TMIGD3: variants seen among roughly 807,000 people sequenced by gnomAD.
TMIGD3 encodes transmembrane and immunoglobulin domain containing 3.
In TMIGD3, 21 loss-of-function variants were observed where a neutral mutation model predicts 28.1. The observed-to-expected ratio is 0.75, with a 90% CI of 0.53 to 1.08. The LOEUF (loss-of-function observed/expected upper bound fraction) is 1.08, where lower values mean the gene tolerates loss of function less well. TMIGD3 is among the 50% of genes least tolerant of loss of function. The pLI, the probability that TMIGD3 is intolerant of heterozygous loss-of-function variation, is 0.00. For missense variants in TMIGD3, 416 were observed against 435.6 expected (o/e 0.96, Z 0.40); for synonymous variants, 151 against 162.1 (o/e 0.93, Z 0.52).
intron 1 of TMIGD3, among the ~76,000 whole-genome samples, chr1:111,549,403 C>G (rs1657168288): frequency 6.6e-6 from 1 of 150,434 alleles, no homozygotes; most frequent in African/African-American, 2.5e-5. Context: ...AATCCCAGCA[C>G]TTCGGGAGGC....
intron 1 of TMIGD3, among the ~76,000 whole-genome samples, chr1:111,536,185 A>G (rs1656633973): frequency 6.6e-6 from 1 of 151,984 alleles, no homozygotes. Flanking sequence ...CTCTGCTCAC[A>G]TCGGAGGGAA....
chr1:111,499,715 T>C, intron 1 of TMIGD3: 1 of 1,348,878 alleles, frequency 7.4e-7, no homozygotes, highest in Non-Finnish European at 9.6e-7. Context: ...TAATACGTTG[T>C]CCCCAAGTCA....
At chr1:111,521,244 T>A (rs1345062438) in intron 1 of TMIGD3, among the ~76,000 whole-genome samples, 1 of 152,178 alleles carries the variant, frequency 6.6e-6, no homozygotes, top group East Asian at 1.9e-4. Context: ...AAAGTTGTCA[T>A]AAATATTTGT....
rs960097878 is a variant in TMIGD3, at chr1:111,488,849, C to T, written c.633G>A (p.Leu211=). 86 of 1,614,082 alleles carry T rather than the reference C, an allele frequency of 5.3e-5. No homozygotes were observed. The highest frequency in any genetic ancestry group is 7.1e-5 in the Non-Finnish European group (84 of 1,180,046). ...CAATGAGCTGGTTCCCTGTGTCCCT[C>T]AGGGCCACATGATTGGTGCTGTTAG... ...FSPNSTNHVA[L]RDTGNQLIVT... Residue 211 remains leucine, a synonymous_variant, in exon 3 of 6, where the codon CTG becomes CTA. Transcript: ENST00000369716.
chr1:111,488,185 A>C (rs976037083), intron 3 of TMIGD3, among the ~76,000 whole-genome samples: 1 of 151,876 alleles, frequency 6.6e-6, no homozygotes, highest in Non-Finnish European at 1.5e-5. Context: ...ACACCTCTCA[A>C]GAATCTAATC....
At chr1:111,495,758 T>C (rs762546507) in intron 1 of TMIGD3, among the ~76,000 whole-genome samples, 3 of 152,220 alleles carry the variant, frequency 2.0e-5, no homozygotes, top group African/African-American at 7.2e-5. Flanking sequence ...TCAACCTAAA[T>C]GCCCATCAAT....
intron 1 of TMIGD3, among the ~76,000 whole-genome samples, chr1:111,542,053 T>C (rs978880706): frequency 1.3e-5 from 2 of 151,648 alleles, no homozygotes; most frequent in African/African-American, 4.8e-5. Flanking sequence ...AATACCTCTC[T>C]TAACAGCTTA....
chr1:111,510,669 G>A (rs1321166236), intron 1 of TMIGD3, among the ~76,000 whole-genome samples: 1 of 152,106 alleles, frequency 6.6e-6, no homozygotes, highest in Non-Finnish European at 1.5e-5. Flanking sequence ...GTCAGGCCCT[G>A]TTTTTCATGA....
intron 4 of TMIGD3, among the ~76,000 whole-genome samples, 159 bp from the exon 5 acceptor site, chr1:111,485,999 T>G (rs1654349633): frequency 6.6e-6 from 1 of 152,166 alleles, no homozygotes; most frequent in African/African-American, 2.4e-5. Flanking sequence ...CCCTGTCCTT[T>G]GGACCACCCT....
At chr1:111,503,656 T>G, upstream of TMIGD3, 1 of 1,135,774 alleles carries the variant, frequency 8.8e-7, no homozygotes, top group East Asian at 5.1e-5. Flanking sequence ...GCTGCTGCTC[T>G]TAGTTCCCCA....
upstream of TMIGD3, chr1:111,504,048 C>G (rs994314007): frequency 1.4e-5 from 14 of 985,344 alleles, no homozygotes; most frequent in Middle Eastern, 5.2e-4. Flanking sequence ...TTAGCCAGAA[C>G]TATTCCTGCT....
chr1:111,520,585 G>A (rs1279013595), intron 1 of TMIGD3, among the ~76,000 whole-genome samples: 1 of 152,210 alleles, frequency 6.6e-6, no homozygotes, highest in African/African-American at 2.4e-5. Context: ...ATGTAACTAA[G>A]AGACTGTTTT....
intron 1 of TMIGD3, chr1:111,500,391 C>T (rs757958111): frequency 1.9e-6 from 3 of 1,614,074 alleles, no homozygotes; most frequent in East Asian, 4.5e-5. Flanking sequence ...AGTCCATTCT[C>T]ATGACGGAAA....
At chr1:111,518,489 G>T (rs1182531352) in intron 1 of TMIGD3, among the ~76,000 whole-genome samples, 1 of 152,192 alleles carries the variant, frequency 6.6e-6, no homozygotes, top group African/African-American at 2.4e-5. Flanking sequence ...ACAATCAAAA[G>T]CGTCTCCAGA....
chr1:111,508,403 C>T (rs1211953261), upstream of TMIGD3, among the ~76,000 whole-genome samples: 1 of 152,220 alleles, frequency 6.6e-6, no homozygotes, highest in Non-Finnish European at 1.5e-5. Context: ...GAGGGAAGCA[C>T]GTTTCTGTTG....
At chr1:111,516,017 G>A (rs1655852834) in intron 1 of TMIGD3, among the ~76,000 whole-genome samples, 1 of 152,352 alleles carries the variant, frequency 6.6e-6, no homozygotes, top group African/African-American at 2.4e-5. Flanking sequence ...ACTCATCTGA[G>A]GCGAGTCTCT....
intron 1 of TMIGD3, among the ~76,000 whole-genome samples, chr1:111,536,692 C>T (rs10776732): frequency 0.15 from 22,485 of 151,958 alleles, 1,955 homozygotes; most frequent in East Asian, 0.47. Context: ...GCTTCATGTT[C>T]ACCCCTTTTT....
Position 111,483,613 on chromosome 1 carries a change from AGG to A in TMIGD3, c.*72_*73del. ...CCTGGGAGATCAGAATCAGTCTCTG[AGG>A]TGTGGGCCAGTTGTCATGGTGATTA... On this transcript the variant is annotated 3_prime_UTR_variant, in exon 6 of 6. Transcript: ENST00000369716. The A allele has an allele frequency of 1.7e-6, 2 of 1,192,818 alleles. No individual in the cohort carries two copies. The allele number at this position is 1,192,818 out of a possible 1,614,324, so 73.9% of individuals were successfully genotyped here.
intron 1 of TMIGD3, among the ~76,000 whole-genome samples, chr1:111,497,466 A>G (rs1317713433): frequency 1.3e-5 from 2 of 152,146 alleles, no homozygotes; most frequent in African/African-American, 2.4e-5. Context: ...CTTCTAACCA[A>G]GCTCCTCACC....
Sources: gnomAD v4.1 joint callset for allele counts (sites outside exome capture counted in the v4.1 genomes callset) on GRCh38, gnomAD v4.1.1 for gene constraint, MANE v1.5 for transcripts, NCBI Gene and HGNC (gene_info 2026-07-23, HGNC 2026-07-21) for gene names.